Variants in ELAVL4 observed in about 807,000 individuals in gnomAD.
The protein encoded by ELAVL4 is ELAV-like protein 4.
ELAVL4 carries 1 observed loss-of-function variant against 35.6 expected under a neutral mutation model. The ratio of observed to expected loss-of-function variants is 0.03; its 90% CI spans 0.01 to 0.13. The LOEUF is 0.13. Among genes scored for constraint, ELAVL4 ranks in the 10% least tolerant of loss-of-function variants. ELAVL4 has a pLI of 1.00. For synonymous variants in ELAVL4, 156 were observed against 171.0 expected (o/e 0.91, Z 0.69); for missense variants, 267 against 464.9 (o/e 0.57, Z 3.91).
intron 1 of ELAVL4, among the ~76,000 whole-genome samples, chr1:50,120,697 T>C (rs912270293): frequency 3.9e-5 from 6 of 152,086 alleles, no homozygotes; most frequent in Non-Finnish European, 7.4e-5. Context: ...TGTGATGTTA[T>C]GATGATGATG....
intron 5 of ELAVL4, among the ~76,000 whole-genome samples, chr1:50,196,599 T>C (rs1214983270): frequency 6.6e-6 from 1 of 152,228 alleles, no homozygotes; most frequent in Non-Finnish European, 1.5e-5. Flanking sequence ...GGTCCTTCTA[T>C]CTAGGATAGT....
At chr1:50,091,670 T>C (rs1665501689) in intron 1 of ELAVL4, among the ~76,000 whole-genome samples, 1 of 152,220 alleles carries the variant, frequency 6.6e-6, no homozygotes. Flanking sequence ...AAAGAAGCAC[T>C]GACCTCCATT....
chr1:50,103,987 G>A, upstream of ELAVL4: 2 of 1,614,036 alleles, frequency 1.2e-6, no homozygotes, highest in Non-Finnish European at 1.7e-6. Context: ...GCCGGCTACA[G>A]TCATATGGAA....
At chr1:50,181,958 C>G (rs896768303) in intron 3 of ELAVL4, among the ~76,000 whole-genome samples, 1 of 152,216 alleles carries the variant, frequency 6.6e-6, no homozygotes, top group African/African-American at 2.4e-5. Context: ...GCTGGGATTA[C>G]AGGCGTGAGC....
chr1:50,188,995 C>T (rs1682254201), intron 3 of ELAVL4, among the ~76,000 whole-genome samples: 2 of 152,122 alleles, frequency 1.3e-5, no homozygotes, highest in Admixed American at 1.3e-4. Context: ...AGAGACATTC[C>T]CAACACCCAT....
At chr1:50,159,096 G>A (rs1326894194) in intron 2 of ELAVL4, among the ~76,000 whole-genome samples, 1 of 151,824 alleles carries the variant, frequency 6.6e-6, no homozygotes, top group South Asian at 2.1e-4. Flanking sequence ...TTTTCAACTG[G>A]CAGGATTGTT....
intron 1 of ELAVL4, among the ~76,000 whole-genome samples, chr1:50,076,107 G>C (rs1439865375): frequency 2.0e-5 from 3 of 152,174 alleles, no homozygotes; most frequent in Non-Finnish European, 4.4e-5. Flanking sequence ...GGGATTACAG[G>C]CATGAGCCAC....
chr1:50,077,325 T>C (rs1664807070), intron 1 of ELAVL4, among the ~76,000 whole-genome samples: 1 of 152,214 alleles, frequency 6.6e-6, no homozygotes, highest in African/African-American at 2.4e-5. Context: ...CTGGCAGGCT[T>C]AAGCCTGGAA....
In ELAVL4 at chr1:50,144,564, T is replaced by C. The variant is rs764036328; in HGVS notation, c.10-393T>C. ...TTGATCTTGTGAGTGTAGTCCTCTA[T>C]ATTTAGCTTTTTCAGCTTTAATGGA... On this transcript the variant is annotated intron_variant, in intron 1 of 6. Coordinates refer to ENST00000371824, the MANE Select transcript of ELAVL4 (RefSeq NM_001144774.3). The C allele has an allele frequency of 1.1e-5, 5 of 473,904 alleles. No homozygotes were observed. The East Asian group carries it at 2.8e-4, about 27-fold the overall frequency. 29.4% of individuals were successfully genotyped at this position (473,904 alleles called of 1,614,324 possible).
upstream of ELAVL4, among the ~76,000 whole-genome samples, chr1:50,107,592 T>C (rs2148522693): frequency 6.6e-6 from 1 of 152,322 alleles, no homozygotes; most frequent in African/African-American, 2.4e-5. Context: ...TATAGCTTAT[T>C]TTTTGGTCTG....
intron 2 of ELAVL4, 63 bp from the exon 3 acceptor site, chr1:50,177,026 C>A: frequency 7.2e-7 from 1 of 1,382,684 alleles, no homozygotes; most frequent in Non-Finnish European, 1.0e-6. Flanking sequence ...TGCTCTCTCT[C>A]TCTCTCTTTC....
At chr1:50,192,975 C>A (rs1421772390) in intron 3 of ELAVL4, among the ~76,000 whole-genome samples, 1 of 152,074 alleles carries the variant, frequency 6.6e-6, no homozygotes, top group African/African-American at 2.4e-5. Flanking sequence ...TCTGGGAGGA[C>A]AAATTTACAA....
At chr1:50,141,853 A>G (rs1409005068) in intron 1 of ELAVL4, 1 of 152,218 alleles carries the variant, frequency 6.6e-6, no homozygotes, top group Non-Finnish European at 1.5e-5. Context: ...AATTACTTAC[A>G]TGATGGTAAA....
At chr1:50,156,423 A>G (rs1675765266) in intron 2 of ELAVL4, among the ~76,000 whole-genome samples, 1 of 152,196 alleles carries the variant, frequency 6.6e-6, no homozygotes, top group Non-Finnish European at 1.5e-5. Context: ...ACCACTTCTC[A>G]TCAAGGGTGT....
At chr1:50,104,727 A>C (rs2148517170), upstream of ELAVL4, among the ~76,000 whole-genome samples, 1 of 152,350 alleles carries the variant, frequency 6.6e-6, no homozygotes, top group Non-Finnish European at 1.5e-5. Context: ...ATGCTTTATA[A>C]GTAATAAGAT....
intron 2 of ELAVL4, among the ~76,000 whole-genome samples, chr1:50,168,364 A>G (rs1281875020): frequency 1.3e-5 from 2 of 152,268 alleles, no homozygotes; most frequent in Middle Eastern, 3.4e-3. Context: ...TCACTTTAAC[A>G]GTAGACACCT....
chr1:50,164,669 C>T (rs964768984), intron 2 of ELAVL4, among the ~76,000 whole-genome samples: 68 of 152,272 alleles, frequency 4.5e-4, no homozygotes, highest in African/African-American at 1.5e-3. Flanking sequence ...AGAGTCTTCT[C>T]TCCTTCAAAC....
intron 1 of ELAVL4, among the ~76,000 whole-genome samples, chr1:50,111,109 A>G (rs1336325658): frequency 6.6e-6 from 1 of 151,668 alleles, no homozygotes; most frequent in Non-Finnish European, 1.5e-5. Context: ...ATTTTTAAGC[A>G]TCTGTTCTGT....
intron 1 of ELAVL4, among the ~76,000 whole-genome samples, chr1:50,080,452 T>A (rs944851412): frequency 9.9e-5 from 15 of 152,032 alleles, no homozygotes; most frequent in Admixed American, 9.8e-4. Flanking sequence ...ACACACATAC[T>A]GATGTGGTCA....
Sources: gnomAD v4.1 joint callset for allele counts (sites outside exome capture counted in the v4.1 genomes callset) on GRCh38, gnomAD v4.1.1 for gene constraint, MANE v1.5 for transcripts, NCBI Gene and HGNC (gene_info 2026-07-23, HGNC 2026-07-21) for gene names.